Variants in ADAM2 observed in about 807,000 individuals in gnomAD.
The protein encoded by ADAM2 is ADAM metallopeptidase domain 2, also known as disintegrin and metalloproteinase domain-containing protein 2.
Under a neutral mutation model 99.3 loss-of-function variants are expected in ADAM2, and 101 were observed. The observed-to-expected ratio is 1.02, with a 90% CI of 0.87 to 1.20. The LOEUF is 1.20. ADAM2 is among the 50% of genes most tolerant of loss of function. ADAM2 has a pLI of 0.00. For missense variants in ADAM2, 948 were observed against 878.7 expected (o/e 1.08, Z -1.00); for synonymous variants, 323 against 287.6 (o/e 1.12, Z -1.25).
At chr8:39,821,543 G>T (rs1445183992) in intron 5 of ADAM2, 43 bp downstream of exon 5, 3 of 1,356,770 alleles carry the variant, frequency 2.2e-6, no homozygotes, top group African/African-American at 1.5e-5. Context: ...TAATTTTGAA[G>T]TAAATATTTT....
In ADAM2 at chr8:39,823,652, G is replaced by A. The variant is rs139218004; in HGVS notation, c.267+1167C>T. ...AGATATTGTGATCTCCTGTGCCTCT[G>A]TCTTGGATTCTCACTCTATCTTCTG... On this transcript the variant is annotated intron_variant, in intron 4 of 20. Transcript: ENST00000265708. Among the ~76,000 whole-genome samples, 13 of 151,938 alleles carry A rather than the reference G, an allele frequency of 8.6e-5. No homozygotes were observed. In the East Asian group the frequency reaches 2.5e-3, roughly 29 times the overall value.
chr8:39,798,466 T>C (rs905463531), intron 7 of ADAM2, among the ~76,000 whole-genome samples: 2 of 152,224 alleles, frequency 1.3e-5, no homozygotes, highest in African/African-American at 4.8e-5. Context: ...GATTTTTGCA[T>C]TGATGTTCAT....
intron 10 of ADAM2, among the ~76,000 whole-genome samples, chr8:39,786,603 T>G (rs1163235042): frequency 1.3e-5 from 2 of 152,168 alleles, no homozygotes; most frequent in African/African-American, 4.8e-5. Flanking sequence ...TTTCAAATGT[T>G]TTATTTTAAT....
chr8:39,750,082 G>A (rs1314406142), intron 16 of ADAM2, among the ~76,000 whole-genome samples: 2 of 152,082 alleles, frequency 1.3e-5, no homozygotes, highest in African/African-American at 4.8e-5. Flanking sequence ...TAAAATACAG[G>A]AAATGTGTCA....
chr8:39,796,648 A>C (rs997816656), intron 7 of ADAM2, among the ~76,000 whole-genome samples: 1 of 152,200 alleles, frequency 6.6e-6, no homozygotes, highest in Non-Finnish European at 1.5e-5. Flanking sequence ...ACTAATTTAC[A>C]TTCCCACCAA....
intron 1 of ADAM2, 66 bp downstream of exon 1, chr8:39,838,065 C>T: frequency 6.4e-7 from 1 of 1,553,376 alleles, no homozygotes; most frequent in East Asian, 2.2e-5. Context: ...GTCAATGTAA[C>T]TTGGAGGCAA....
intron 7 of ADAM2, among the ~76,000 whole-genome samples, chr8:39,799,721 T>C (rs1210476622): frequency 2.0e-5 from 3 of 152,246 alleles, no homozygotes; most frequent in Non-Finnish European, 4.4e-5. Flanking sequence ...GGTGCTCCTG[T>C]ATTGGGTGCA....
intron 10 of ADAM2, 35 bp from the exon 11 acceptor site, chr8:39,777,196 G>A: frequency 4.5e-6 from 7 of 1,559,824 alleles, no homozygotes; most frequent in South Asian, 1.2e-5. Flanking sequence ...CGTTTTGGGA[G>A]ATTATTTTGT....
chr8:39,802,357 A>T (rs1804252800), intron 7 of ADAM2, among the ~76,000 whole-genome samples: 5 of 152,094 alleles, frequency 3.3e-5, no homozygotes, highest in Admixed American at 6.5e-5. Context: ...CCGCTGAAGG[A>T]TTCACAAGCC....
chr8:39,752,757 G>C (rs957208239), intron 16 of ADAM2, among the ~76,000 whole-genome samples: 2 of 152,144 alleles, frequency 1.3e-5, no homozygotes, highest in Non-Finnish European at 2.9e-5. Flanking sequence ...TCTCCTGATA[G>C]TGAGTAAGTC....
chr8:39,834,449 C>T lies in ADAM2; in HGVS notation c.133-450G>A, dbSNP rs527309776. Among the ~76,000 whole-genome samples the T allele has an allele frequency of 3.8e-4, 58 of 152,094 alleles. No individual in the cohort carries two copies. In the South Asian group the frequency reaches 0.011, roughly 28 times the overall value. On this transcript the variant is annotated intron_variant, in intron 2 of 20. Coordinates refer to ENST00000265708, the MANE Select transcript of ADAM2 (RefSeq NM_001464.5). The stretch of plus-strand genomic sequence containing the variant: ...TGAGAGTGGGAATCCTTGTCTTGTA[C>T]CACATCTTAAAGGAAAACCTCACGC...
intron 16 of ADAM2, among the ~76,000 whole-genome samples, chr8:39,754,305 G>T (rs1802067492): frequency 6.6e-6 from 1 of 152,088 alleles, no homozygotes; most frequent in African/African-American, 2.4e-5. Context: ...GCTAAAAACT[G>T]GACTGAGTCT....
intron 3 of ADAM2, among the ~76,000 whole-genome samples, chr8:39,830,459 C>T (rs1470287450): frequency 3.3e-5 from 5 of 152,076 alleles, no homozygotes; most frequent in Admixed American, 3.3e-4. Flanking sequence ...AGCTTGGAGT[C>T]TAAAATATTT....
chr8:39,746,657 T>G (rs762690426), intron 18 of ADAM2, 26 bp from the exon 19 acceptor site: 1 of 1,538,380 alleles, frequency 6.5e-7, no homozygotes, highest in African/African-American at 1.4e-5. Flanking sequence ...ATCAAAGATT[T>G]GAAAGCAAGC....
chr8:39,798,250 G>C (rs1340197132), intron 7 of ADAM2, among the ~76,000 whole-genome samples: 2 of 152,050 alleles, frequency 1.3e-5, no homozygotes, highest in East Asian at 1.9e-4. Flanking sequence ...TAACATGAAG[G>C]GATGTTGAAT....
intron 6 of ADAM2, among the ~76,000 whole-genome samples, 151 bp downstream of exon 6, chr8:39,820,849 TAA>T (rs1311093586): frequency 6.6e-6 from 1 of 152,170 alleles, no homozygotes; most frequent in Non-Finnish European, 1.5e-5. Flanking sequence ...CTTAATGATA[TAA>T]GTTATGAAGT....
chr8:39,763,258 T>C (rs1224144889), intron 14 of ADAM2, among the ~76,000 whole-genome samples: 1 of 151,756 alleles, frequency 6.6e-6, no homozygotes. Context: ...GTGAGGTAAA[T>C]TAGATAGGTT....
rs181153068 is a variant in ADAM2 at position 39,797,162 on chromosome 8, T to C, written c.571-8422A>G. On this transcript the variant is annotated intron_variant, in intron 7 of 20. Transcript: ENST00000265708. ...GAATGGTATTGCCTAGGTTTTCTTC[T>C]AGGGTGTTTATGGATTTGGGTTTTA... 9.8e-5 allele frequency among the ~76,000 whole-genome samples: 15 copies of C among 152,348 alleles called. No homozygotes were observed. In the East Asian group the frequency reaches 1.9e-3, roughly 20 times the overall value.
rs146877265 is a variant in ADAM2 at position 39,761,365 on chromosome 8, G to T, written c.1508-84C>A. The T allele has an allele frequency of 1.1e-3, 749 of 669,764 alleles. 6 individuals carry two copies. In the African/African-American group the frequency reaches 0.013, roughly 11 times the overall value. The allele number at this position is 669,764 out of a possible 1,614,324, so 41.5% of individuals were successfully genotyped here. A position where few individuals can be genotyped will look rare whatever the true frequency, so the allele number is the denominator to read the frequency against. ...CAAATACACTTAAAATTCTGAAAGG[G>T]TTTAAGATATTCATTGTACAAAATA... On this transcript the variant is annotated intron_variant, in intron 14 of 20. Transcript: ENST00000265708.
Sources: allele counts gnomAD v4.1 joint callset (sites outside exome capture counted in the v4.1 genomes callset), GRCh38; gene constraint gnomAD v4.1.1; transcripts MANE v1.5; gene names NCBI Gene and HGNC (gene_info 2026-07-23, HGNC 2026-07-21).